The following ANKRD11 variants were observed in gnomAD, a reference collection of about 807,000 sequenced individuals.
ANKRD11 encodes ankyrin repeat domain-containing protein 11.
A neutral mutation model predicts 195.7 loss-of-function variants in ANKRD11; 17 were observed. The observed-to-expected ratio is 0.09, with a 90% confidence interval of 0.06 to 0.13. The LOEUF (loss-of-function observed/expected upper bound fraction) is 0.13, where lower values mean the gene tolerates loss of function less well. Ranked by LOEUF, ANKRD11 falls within the 10% of genes least tolerant of loss-of-function variation. The pLI is 1.00. For synonymous variants in ANKRD11, 1,953 were observed against 1,528.1 expected, an observed-to-expected ratio of 1.28 and a Z score of -6.49; for missense variants, 3,735 against 3,566.1, an observed-to-expected ratio of 1.05 and a Z score of -1.21.
At chr16:89,462,463 G>A (rs893290996) in intron 1 of ANKRD11, among the ~76,000 whole-genome samples, 6 of 152,212 alleles carry the variant, frequency 3.9e-5, no homozygotes, top group African/African-American at 9.6e-5. Context: ...CCAAAGTGCC[G>A]AGACTGCAAC....
At chr16:89,312,775 C>T (rs1368148724) in intron 3 of ANKRD11, among the ~76,000 whole-genome samples, 1 of 152,218 alleles carries the variant, frequency 6.6e-6, no homozygotes, top group Non-Finnish European at 1.5e-5. Context: ...AGACCCCATG[C>T]CAGACTGGCT....
Position 89,451,978 on chromosome 16 carries a change from G to A in ANKRD11, c.-144-33610C>T, listed in dbSNP as rs919007071. On this transcript the variant is annotated intron_variant, in intron 1 of 12. Transcript: ENST00000301030. ...CTCTGGTATCAAATAGCTCATTTGC[G>A]CCGGGTGCAGTGTCTCACGTCTATA... 7.9e-5 allele frequency among the ~76,000 whole-genome samples: 12 copies of A among 152,162 alleles called. No homozygotes were observed. The South Asian group carries it at 1.0e-3, about 13-fold the overall frequency.
At chr16:89,475,300 C>T (rs998832091) in intron 1 of ANKRD11, among the ~76,000 whole-genome samples, 2 of 152,144 alleles carry the variant, frequency 1.3e-5, no homozygotes, top group Non-Finnish European at 1.5e-5. Context: ...CCTGAGGCTC[C>T]GTGGCCAAGC....
chr16:89,396,147 A>G (rs1476074869), intron 2 of ANKRD11: 1 of 152,254 alleles, frequency 6.6e-6, no homozygotes, highest in Non-Finnish European at 1.5e-5. Flanking sequence ...GCTTTCAAAG[A>G]TAAGAATTTT....
rs775530757 is a variant in ANKRD11, at chr16:89,275,145, C to T, written c.7517G>A (p.Arg2506Lys). ...SLAEPLKELF[R>K]QQEAVRGKLR... ...CTTTCCCCGGACGGCCTCCTGCTGC[C>T]TGAACAGCTCCTTCAGGGGCTCCGC... Residue 2506 changes from arginine (R) to lysine (K), a missense_variant, in exon 10 of 13, where the codon AGG becomes AAG. By Grantham distance (26) the Arg-to-Lys change is conservative. Transcript: ENST00000301030. 3 of 1,611,846 alleles carry T rather than the reference C, an allele frequency of 1.9e-6. No individual in the cohort carries two copies. In the East Asian group the frequency reaches 6.7e-5, roughly 36 times the overall value.
chr16:89,282,856 G>T lies in ANKRD11; in HGVS notation c.3686C>A (p.Thr1229Lys). The T allele has an allele frequency of 6.2e-7, 1 of 1,612,240 alleles. No individual in the cohort carries two copies. The stretch of plus-strand genomic sequence containing the variant: ...CTTCTGTTTATTTTTCTTATCTTGC[G>T]TGGAGTCCACTGAGGCTCTGTCCTT... ...DRKDRASVDS[T>K]QDKKNKQKLP... The change falls in exon 9 of 13, where the codon ACG (threonine) becomes AAG (lysine). Residue 1229 changes from threonine to lysine, a missense_variant. Coordinates refer to ENST00000301030, the MANE Select transcript of ANKRD11 (RefSeq NM_013275.6).
intron 2 of ANKRD11, among the ~76,000 whole-genome samples, chr16:89,353,368 G>A (rs752557918): frequency 3.0e-4 from 45 of 151,660 alleles, no homozygotes; most frequent in Non-Finnish European, 5.0e-4. Context: ...GAGAGAGAGA[G>A]AGAGAAAGTA....
intron 2 of ANKRD11, among the ~76,000 whole-genome samples, chr16:89,407,137 G>C (rs2041937433): frequency 6.6e-6 from 1 of 151,874 alleles, no homozygotes; most frequent in Non-Finnish European, 1.5e-5. Flanking sequence ...GGTGAGTTGA[G>C]ACGTGCCACT....
At chr16:89,420,654 C>T (rs752585477) in intron 1 of ANKRD11, among the ~76,000 whole-genome samples, 1 of 152,208 alleles carries the variant, frequency 6.6e-6, no homozygotes, top group Non-Finnish European at 1.5e-5. Flanking sequence ...ATCTCAGTAA[C>T]TGATCCCATT....
At chr16:89,375,388 A>C (rs1340684329) in intron 2 of ANKRD11, among the ~76,000 whole-genome samples, 1 of 152,196 alleles carries the variant, frequency 6.6e-6, no homozygotes, top group Admixed American at 6.5e-5. Flanking sequence ...CGGGAGTCCA[A>C]GACTGCAGGG....
At chr16:89,441,652 A>G (rs1030842382) in intron 1 of ANKRD11, among the ~76,000 whole-genome samples, 1 of 151,214 alleles carries the variant, frequency 6.6e-6, no homozygotes, top group Non-Finnish European at 1.5e-5. Flanking sequence ...CTGCAGTCCC[A>G]GCTACTCGGG....
At chr16:89,355,046 C>A (rs1442133772) in intron 2 of ANKRD11, among the ~76,000 whole-genome samples, 5 of 151,502 alleles carry the variant, frequency 3.3e-5, no homozygotes, top group Non-Finnish European at 1.5e-5. Context: ...AACGCCAGAA[C>A]AACATGTTTG....
intron 2 of ANKRD11, among the ~76,000 whole-genome samples, chr16:89,384,874 G>GTT (rs1257714722): frequency 1.5e-3 from 107 of 72,708 alleles, no homozygotes; most frequent in East Asian, 3.9e-3. Context: ...ATGAGAAATA[G>GTT]TTTTCTTTTT....
At chr16:89,481,754 T>C (rs2057451337) in intron 1 of ANKRD11, among the ~76,000 whole-genome samples, 1 of 152,206 alleles carries the variant, frequency 6.6e-6, no homozygotes. Context: ...TTCCATCTTC[T>C]TGGATGGGCT....
At chr16:89,292,783 G>A (rs2035149530) in intron 4 of ANKRD11, among the ~76,000 whole-genome samples, 1 of 152,242 alleles carries the variant, frequency 6.6e-6, no homozygotes, top group Non-Finnish European at 1.5e-5. Flanking sequence ...ATGAGCCCCA[G>A]CCTACAGCCA....
intron 7 of ANKRD11, 111 bp downstream of exon 7, chr16:89,288,417 C>T (rs940737941): frequency 7.8e-6 from 12 of 1,545,396 alleles, no homozygotes; most frequent in Admixed American, 3.7e-5. Flanking sequence ...GGCGAAAACT[C>T]GCTTTCCTGT....
Position 89,291,237 on chromosome 16 carries a change from C to A in ANKRD11, c.227-54G>T, listed in dbSNP as rs1315314249. On this transcript the variant is annotated intron_variant, in intron 4 of 12. Transcript: ENST00000301030. This position sits in a 1 kb window ranked among gnomAD's most constrained non-coding sequence, Gnocchi z 5.3. Reference sequence around the variant, plus strand: ...GAGAGATTTCATGCCATGGTGTCCTCCAAAGCTAGGTCCTTACCTAATGTT... The same window carrying A: ...GAGAGATTTCATGCCATGGTGTCCTACAAAGCTAGGTCCTTACCTAATGTT... The A allele has an allele frequency of 6.2e-7, 1 of 1,604,128 alleles. No homozygotes were observed. The highest frequency in any genetic ancestry group is 8.5e-7 in the Non-Finnish European group (1 of 1,178,036).
intron 1 of ANKRD11, among the ~76,000 whole-genome samples, chr16:89,490,043 G>T (rs1597581286): frequency 7.0e-6 from 1 of 142,176 alleles, no homozygotes. Context: ...CGGACCCGTA[G>T]GCCCGCTCCG....
At chr16:89,456,120 G>C (rs141852643) in intron 1 of ANKRD11, among the ~76,000 whole-genome samples, 2 of 152,026 alleles carry the variant, frequency 1.3e-5, no homozygotes, top group East Asian at 1.9e-4. Context: ...TGCACCTGTA[G>C]TCCCAGCTAC....
Sources: gnomAD v4.1 joint callset for allele counts (sites outside exome capture counted in the v4.1 genomes callset) on GRCh38, gnomAD v4.1.1 for gene constraint, Gnocchi (gnomAD v3.1) non-coding constraint, MANE v1.5 for transcripts, NCBI Gene and HGNC (gene_info 2026-07-23, HGNC 2026-07-21) for gene names.